The following SAMM50 variants were observed in gnomAD, a reference collection of about 807,000 sequenced individuals.
SAMM50 encodes sorting and assembly machinery component 50 homolog.
SAMM50 carries 47 observed loss-of-function variants against 66.9 expected under a neutral mutation model. The ratio of observed to expected loss-of-function variants is 0.70; its 90% CI spans 0.56 to 0.90. SAMM50 has a LOEUF of 0.90. Among genes scored for constraint, SAMM50 ranks in the 40% least tolerant of loss-of-function variants. The pLI is 0.00. For synonymous variants in SAMM50, 191 were observed against 214.1 expected, an observed-to-expected ratio of 0.89 and a Z score of 0.94; for missense variants, 535 against 595.3, an observed-to-expected ratio of 0.90 and a Z score of 1.05.
intron 12 of SAMM50, among the ~76,000 whole-genome samples, chr22:43,984,593 G>A (rs1185204227): frequency 6.6e-6 from 1 of 151,282 alleles, no homozygotes; most frequent in Non-Finnish European, 1.5e-5. Flanking sequence ...TTACAGGTGT[G>A]AGCCACTGGG....
chr22:43,994,872 G>A (rs1159397268), intron 14 of SAMM50, among the ~76,000 whole-genome samples: 2 of 152,200 alleles, frequency 1.3e-5, no homozygotes, highest in African/African-American at 2.4e-5. Context: ...TAATCTGTTT[G>A]TTTGTACTTA....
chr22:43,989,051 G>A, intron 12 of SAMM50, 60 bp from the exon 13 acceptor site: 1 of 1,557,786 alleles, frequency 6.4e-7, no homozygotes, highest in African/African-American at 1.4e-5. Flanking sequence ...GTTGTGGAAA[G>A]TTAACGTGAT....
chr22:43,989,529 G>C (rs1053227590), intron 13 of SAMM50, among the ~76,000 whole-genome samples: 1 of 152,016 alleles, frequency 6.6e-6, no homozygotes, highest in East Asian at 1.9e-4. Flanking sequence ...GTAGAGACGA[G>C]ATTTCACCAT....
At chr22:43,982,027 A>G (rs2050267584) in intron 11 of SAMM50, among the ~76,000 whole-genome samples, 1 of 152,248 alleles carries the variant, frequency 6.6e-6, no homozygotes, top group African/African-American at 2.4e-5. Flanking sequence ...GCTTACAGCA[A>G]TTTATACCCC....
chr22:43,973,620 A>G (rs2050215764), intron 7 of SAMM50, among the ~76,000 whole-genome samples: 1 of 152,162 alleles, frequency 6.6e-6, no homozygotes, highest in East Asian at 1.9e-4. Flanking sequence ...AGAGTTGGTC[A>G]GATCACTGGA....
rs749953055 is a variant in SAMM50 at position 43,981,439 on chromosome 22, A to G, written c.985A>G (p.Lys329Glu). 6.2e-7 allele frequency: 1 copy of G among 1,613,354 alleles called. No homozygotes were observed. Among genetic ancestry groups the G allele is most frequent in the Non-Finnish European group, 8.5e-7 (1 of 1,179,342 alleles). ...WGGMLVPIGD[K>E]PSSIADRFYL... ...CGGAATGTTGGTACCCATTGGTGAT[A>G]AGCCGTCAAGCATTGCTGATAGGTA... The change falls in exon 11 of 15, where the codon AAG becomes GAG. Residue 329 changes from lysine (K) to glutamate (E), a missense_variant. Coordinates refer to ENST00000350028, the MANE Select transcript of SAMM50 (RefSeq NM_015380.5).
chr22:43,955,689 G>C (rs572168282), intron 1 of SAMM50, 91 bp downstream of exon 1: 32 of 1,387,564 alleles, frequency 2.3e-5, no homozygotes, highest in Non-Finnish European at 2.9e-5. Context: ...GCTGCGCCCA[G>C]GGTTCACCGG....
Position 43,983,066 on chromosome 22 carries a change from A to G in SAMM50, c.1008-867A>G, listed in dbSNP as rs1255705378. On this transcript the variant is annotated intron_variant, in intron 11 of 14. Transcript: ENST00000350028. The surrounding 1 kb of genome is among the most constrained non-coding windows in gnomAD (Gnocchi z 4.2). ...TATAGGTTTTAAAACTCAAATTAAA[A>G]TGAAAAAATTCATAAAGGCTTTTAT... 1.3e-5 allele frequency among the ~76,000 whole-genome samples: 2 copies of G among 152,374 alleles called. No individual in the cohort carries two copies. Among genetic ancestry groups the G allele is most frequent in the African/African-American group, 4.8e-5 (2 of 41,594 alleles).
chr22:43,994,092 TGA>T (rs1248243694), intron 14 of SAMM50, among the ~76,000 whole-genome samples: 1 of 152,126 alleles, frequency 6.6e-6, no homozygotes, highest in Non-Finnish European at 1.5e-5. Context: ...GGGAGGGTGC[TGA>T]GAGGGCCCCC....
At chr22:43,958,476 C>CTTTTTTTTTT (rs3083316) in intron 1 of SAMM50, among the ~76,000 whole-genome samples, 2 of 112,566 alleles carry the variant, frequency 1.8e-5, no homozygotes, top group African/African-American at 3.5e-5. Context: ...TTATGGAGCT[C>CTTTTTTTTTT]TTTTTTTTTT....
chr22:43,988,980 C>G (rs1215894351), intron 12 of SAMM50, 131 bp from the exon 13 acceptor site: 8 of 750,536 alleles, frequency 1.1e-5, no homozygotes, highest in Non-Finnish European at 1.5e-5. Context: ...AGAAGAACAG[C>G]TGCTTGCAAA....
In SAMM50 at chr22:43,973,231, C is replaced by T. The variant is rs766925672; in HGVS notation, c.561-5C>T. 1.9e-6 allele frequency: 3 copies of T among 1,567,544 alleles called. No individual in the cohort carries two copies. The highest frequency in any genetic ancestry group is 1.1e-5 in the South Asian group (1 of 89,868). On this transcript the variant is annotated splice_region_variant and splice_polypyrimidine_tract_variant and intron_variant, in intron 6 of 14. Transcript: ENST00000350028. ...CTTTTAAAGCTCTATCCCATTGTCT[C>T]CTAGTTTCTCTGTAAACTTATATAA... is the stretch of plus-strand genomic sequence containing the variant.
chr22:43,967,548 A>G (rs1284342032), intron 3 of SAMM50, among the ~76,000 whole-genome samples: 2 of 152,068 alleles, frequency 1.3e-5, no homozygotes, highest in Admixed American at 1.3e-4. Flanking sequence ...CTCCCCTCCA[A>G]TACCATGGCC....
At chr22:43,956,961 C>T in intron 1 of SAMM50, 1 of 616,466 alleles carries the variant, frequency 1.6e-6, no homozygotes, top group Non-Finnish European at 2.9e-6. Flanking sequence ...AGAGTGCAAC[C>T]TGAGCTCTTC....
intron 3 of SAMM50, among the ~76,000 whole-genome samples, chr22:43,966,178 T>C (rs1037472978): frequency 5.9e-5 from 9 of 152,186 alleles, no homozygotes; most frequent in Non-Finnish European, 1.0e-4. Flanking sequence ...TTGATGGGCA[T>C]TTAAATTAAT....
In SAMM50 at chr22:43,976,158, GACATT is replaced by G; in HGVS notation, c.753_757del (p.His252ThrfsTer29). On this transcript the variant is annotated frameshift_variant, in exon 8 of 15. Transcript: ENST00000350028. LOFTEE classifies it high-confidence loss of function. Reference sequence around the variant, plus strand: ...TCATTTGCTGTTCGAAAAGAAAGCGGACATTCACTGAAATCATCTCTTTCGGTAAC... The same window carrying G: ...TCATTTGCTGTTCGAAAAGAAAGCGGCACTGAAATCATCTCTTTCGGTAAC... 1 of 1,607,022 alleles carries G rather than the reference GACATT, an allele frequency of 6.2e-7. No individual in the cohort carries two copies. Among genetic ancestry groups the G allele is most frequent in the Non-Finnish European group, 8.5e-7 (1 of 1,174,218 alleles).
chr22:43,963,473 A>G, intron 2 of SAMM50, 77 bp downstream of exon 2: 1 of 850,064 alleles, frequency 1.2e-6, no homozygotes, highest in Non-Finnish European at 1.9e-6. Context: ...GGAGATGTAA[A>G]GGAATTAACC....
Position 43,972,292 on chromosome 22 carries a change from A to C in SAMM50, c.379A>C (p.Arg127=), listed in dbSNP as rs765299671. ...TACCTTTGAAGTAACTGAATTGAGG[A>C]GATTAACGGGCAGTTATAACACCAT... is the stretch of plus-strand genomic sequence containing the variant. ...DVTFEVTELR[R]LTGSYNTMVG... is the part of the protein sequence containing the mutation. The change falls in exon 5 of 15, where the codon AGA becomes CGA. Residue 127 remains arginine, a synonymous_variant. Coordinates refer to ENST00000350028, the MANE Select transcript of SAMM50 (RefSeq NM_015380.5). The C allele has an allele frequency of 1.2e-6, 2 of 1,607,350 alleles. No homozygotes were observed. Among genetic ancestry groups the C allele is most frequent in the Non-Finnish European group, 1.7e-6 (2 of 1,178,262 alleles).
intron 14 of SAMM50, among the ~76,000 whole-genome samples, chr22:43,995,198 A>C (rs1484206791): frequency 6.6e-6 from 1 of 151,994 alleles, no homozygotes; most frequent in Non-Finnish European, 1.5e-5. Flanking sequence ...GTTAATAAGC[A>C]CCCTTCATCC....
Sources: allele counts gnomAD v4.1 joint callset (sites outside exome capture counted in the v4.1 genomes callset), GRCh38; gene constraint gnomAD v4.1.1; non-coding constraint Gnocchi (gnomAD v3.1); transcripts MANE v1.5; gene names NCBI Gene and HGNC (gene_info 2026-07-23, HGNC 2026-07-21).